GNRHR: variants seen among roughly 807,000 people sequenced by gnomAD.
GNRHR encodes the protein gonadotropin releasing hormone receptor.
In GNRHR, 14 loss-of-function variants were observed where a neutral mutation model predicts 28.1. That is an observed-to-expected ratio of 0.50 (90% CI 0.33 to 0.78). GNRHR has a LOEUF of 0.78. Ranked by LOEUF, GNRHR falls within the 30% of genes least tolerant of loss-of-function variation. The pLI, the probability that GNRHR is intolerant of heterozygous loss-of-function variation, is 0.02. For missense variants in GNRHR, 366 were observed against 382.1 expected (o/e 0.96, Z 0.35); for synonymous variants, 141 against 140.5 (o/e 1.00, Z -0.02).
intron 2 of GNRHR, among the ~76,000 whole-genome samples, chr4:67,743,569 TAATA>T (rs757064764): frequency 2.8e-4 from 42 of 152,112 alleles, no homozygotes; most frequent in East Asian, 1.9e-4. Flanking sequence ...ATAAATAAAA[TAATA>T]AATAAATAAA....
chr4:67,752,659 A>G lies in GNRHR; in HGVS notation c.522+1155T>C, dbSNP rs183389626. ...ATCATATATTTTTCTTCAGAAAATG[A>G]AAACATTTTAGTTTTTCCCATTATT... On this transcript the variant is annotated intron_variant, in intron 1 of 2. Coordinates refer to ENST00000226413, the MANE Select transcript of GNRHR (RefSeq NM_000406.3). Among the ~76,000 whole-genome samples the G allele has an allele frequency of 2.2e-4, 34 of 152,334 alleles. No individual in the cohort carries two copies. In the East Asian group the frequency reaches 6.0e-3, roughly 27 times the overall value.
intron 1 of GNRHR, among the ~76,000 whole-genome samples, chr4:67,745,830 A>G (rs1731743754): frequency 6.6e-6 from 1 of 152,156 alleles, no homozygotes; most frequent in Admixed American, 6.6e-5. Context: ...CTTAAAGTGT[A>G]TAACCTGAAT....
intron 1 of GNRHR, among the ~76,000 whole-genome samples, chr4:67,750,395 T>C (rs1473991768): frequency 1.3e-5 from 2 of 152,208 alleles, no homozygotes; most frequent in East Asian, 3.8e-4. Context: ...GGATTTTTTG[T>C]ACTGTATTTT....
intron 1 of GNRHR, among the ~76,000 whole-genome samples, chr4:67,750,045 A>G (rs924140324): frequency 6.6e-6 from 1 of 152,188 alleles, no homozygotes; most frequent in African/African-American, 2.4e-5. Context: ...TAAATATTAA[A>G]TTAGTATTTA....
rs778827924 is a variant in GNRHR at position 67,754,361 on chromosome 4, C to G, written c.-26G>C. 13 of 1,585,838 alleles carry G rather than the reference C, an allele frequency of 8.2e-6. No individual in the cohort carries two copies. The South Asian group carries it at 1.3e-4, about 16-fold the overall frequency. On this transcript the variant is annotated 5_prime_UTR_variant, in exon 1 of 3. Coordinates refer to ENST00000226413, the MANE Select transcript of GNRHR (RefSeq NM_000406.3). ...ATTTTCCCAGGACAGAGCTTCAAGC[C>G]TTGTGTCTCTGGTGCATCTGATATT...
In GNRHR at chr4:67,739,858, A is replaced by G. The variant is rs1029319746; in HGVS notation, c.*622T>C. On this transcript the variant is annotated 3_prime_UTR_variant, in exon 3 of 3. Transcript: ENST00000226413. ...AACCTGTACCACATAAATAGGATGA[A>G]GGAGAACTACTCATAGTCTTGTCAG... 1 of 152,642 alleles carries G rather than the reference A, an allele frequency of 6.6e-6. No individual in the cohort carries two copies. The highest frequency in any genetic ancestry group is 6.5e-5 in the Admixed American group (1 of 15,324). 9.5% of individuals were successfully genotyped at this position (152,642 alleles called of 1,614,324 possible). A position where few individuals can be genotyped will look rare whatever the true frequency, so the allele number is the denominator to read the frequency against.
At chr4:67,746,009 TC>T (rs1444574492) in intron 1 of GNRHR, among the ~76,000 whole-genome samples, 1 of 152,116 alleles carries the variant, frequency 6.6e-6, no homozygotes, top group Non-Finnish European at 1.5e-5. Flanking sequence ...TCTTGGATTT[TC>T]TTTTGTTAAA....
intron 2 of GNRHR, among the ~76,000 whole-genome samples, chr4:67,742,322 T>G (rs1731676145): frequency 6.6e-6 from 1 of 152,194 alleles, no homozygotes; most frequent in Admixed American, 6.5e-5. Flanking sequence ...CTTTCCCCAC[T>G]GTATGTTTTT....
intron 2 of GNRHR, among the ~76,000 whole-genome samples, chr4:67,742,606 A>C (rs1731680310): frequency 6.6e-6 from 1 of 152,204 alleles, no homozygotes; most frequent in South Asian, 2.1e-4. Flanking sequence ...TTTTGGACTT[A>C]GTTCTTAAAG....
intron 1 of GNRHR, among the ~76,000 whole-genome samples, chr4:67,750,706 GT>G (rs199722349): frequency 1.3e-5 from 2 of 150,006 alleles, no homozygotes; most frequent in South Asian, 2.1e-4. Flanking sequence ...TTTGTTAAGT[GT>G]TTTTTTTTCA....
intron 1 of GNRHR, among the ~76,000 whole-genome samples, chr4:67,752,977 A>G (rs944977971): frequency 1.3e-5 from 2 of 152,214 alleles, no homozygotes; most frequent in Non-Finnish European, 2.9e-5. Context: ...AAACTTGTTC[A>G]TCTGCTATTA....
chr4:67,751,465 A>G (rs1731864533), intron 1 of GNRHR, among the ~76,000 whole-genome samples: 1 of 152,222 alleles, frequency 6.6e-6, no homozygotes, highest in African/African-American at 2.4e-5. Flanking sequence ...ACAAAATAAA[A>G]TAACACCATT....
chr4:67,741,266 C>A (rs1731654141), intron 2 of GNRHR, among the ~76,000 whole-genome samples: 1 of 151,906 alleles, frequency 6.6e-6, no homozygotes, highest in African/African-American at 2.4e-5. Flanking sequence ...ATCATCATAG[C>A]TTAGCTCCCA....
Position 67,739,431 on chromosome 4 carries a change from C to A in GNRHR, c.*1049G>T, listed in dbSNP as rs1457671069. ...TGTGCATAGACTGCAGGTTAAGAAA[C>A]CCTGCATCAAGATCTTTCCCTCCTT... On this transcript the variant is annotated 3_prime_UTR_variant, in exon 3 of 3. Transcript: ENST00000226413. The A allele has an allele frequency of 1.3e-5, 2 of 151,970 alleles. No individual in the cohort carries two copies. The highest frequency in any genetic ancestry group is 1.3e-4 in the Admixed American group (2 of 15,242). The allele number at this position is 151,970 out of a possible 1,614,324, so 9.4% of individuals were successfully genotyped here.
intron 1 of GNRHR, among the ~76,000 whole-genome samples, chr4:67,749,752 T>C (rs558688737): frequency 3.3e-5 from 5 of 151,638 alleles, no homozygotes; most frequent in Non-Finnish European, 7.4e-5. Context: ...TTATATACGA[T>C]ACCTCCAAGA....
intron 1 of GNRHR, among the ~76,000 whole-genome samples, chr4:67,746,465 T>G (rs1731755898): frequency 6.6e-6 from 1 of 152,138 alleles, no homozygotes; most frequent in Non-Finnish European, 1.5e-5. Flanking sequence ...CATTAAACAC[T>G]TCTTACCTAC....
In GNRHR at chr4:67,744,763, G is replaced by T. The variant is rs1238588363; in HGVS notation, c.547C>A (p.Leu183Ile). ...PQLYIFRMIH[L>I]ADSSGQTKVF... The stretch of plus-strand genomic sequence containing the variant: ...TTTGTCTGTCCAGAGCTGTCTGCTA[G>T]ATGAATCATCCTGAAGATGTATAAC... Residue 183 changes from leucine to isoleucine, a missense_variant, in exon 2 of 3, where the codon CTA becomes ATA. Physicochemically the swap from Leu to Ile is conservative, Grantham distance 5. Transcript: ENST00000226413. 1 of 1,587,068 alleles carries T rather than the reference G, an allele frequency of 6.3e-7. No homozygotes were observed.
At chr4:67,744,906 G>A in intron 1 of GNRHR, 119 bp from the exon 2 acceptor site, 1 of 640,412 alleles carries the variant, frequency 1.6e-6, no homozygotes, top group Middle Eastern at 4.0e-4. Flanking sequence ...GCTCCTTAGT[G>A]TTATACTTCT....
rs747189517 is a variant in GNRHR, at chr4:67,744,739, T to C, written c.571A>G (p.Lys191Glu). The stretch of plus-strand genomic sequence containing the variant: ...TGTGTTACACATTGAGAGAAAACTT[T>C]TGTCTGTCCAGAGCTGTCTGCTAGA... Reference protein sequence around the residue: ...IHLADSSGQTKVFSQCVTHCS... With the variant: ...IHLADSSGQTEVFSQCVTHCS... The change falls in exon 2 of 3, where the codon AAA becomes GAA. Residue 191 changes from lysine (K) to glutamate (E), a missense_variant. Transcript: ENST00000226413. 2.5e-6 allele frequency: 4 copies of C among 1,610,446 alleles called. No individual in the cohort carries two copies. Among genetic ancestry groups the C allele is most frequent in the Non-Finnish European group, 3.4e-6 (4 of 1,176,584 alleles).
Sources: gnomAD v4.1 joint callset for allele counts (sites outside exome capture counted in the v4.1 genomes callset) on GRCh38, gnomAD v4.1.1 for gene constraint, MANE v1.5 for transcripts, NCBI Gene and HGNC (gene_info 2026-07-23, HGNC 2026-07-21) for gene names.